CHP1: variants seen among roughly 807,000 people sequenced by gnomAD.
CHP1 encodes the protein calcineurin B homologous protein 1.
In CHP1, 11 loss-of-function variants were observed where a neutral mutation model predicts 27.4. The ratio of observed to expected loss-of-function variants is 0.40; its 90% CI spans 0.25 to 0.67. CHP1 has a LOEUF of 0.67. CHP1 is among the 30% of genes least tolerant of loss of function. The pLI, the probability that CHP1 is intolerant of heterozygous loss-of-function variation, is 0.38. For synonymous variants in CHP1, 89 were observed against 87.4 expected, an observed-to-expected ratio of 1.02 and a Z score of -0.10; for missense variants, 169 against 251.3, an observed-to-expected ratio of 0.67 and a Z score of 2.22.
At chr15:41,263,252 C>T (rs900729314) in intron 4 of CHP1, among the ~76,000 whole-genome samples, 20 of 152,278 alleles carry the variant, frequency 1.3e-4, no homozygotes, top group South Asian at 2.1e-4. Context: ...GAGCACCTAC[C>T]GTGTGCCAGG....
chr15:41,261,099 C>G (rs1416408743), intron 3 of CHP1, among the ~76,000 whole-genome samples: 1 of 150,150 alleles, frequency 6.7e-6, no homozygotes, highest in African/African-American at 2.4e-5. Flanking sequence ...TCCTTTCCTC[C>G]CTCCCTTCCT....
At position 41,279,617 on chromosome 15, in the gene CHP1, T is replaced by C; in HGVS notation, c.*228T>C. The stretch of plus-strand genomic sequence containing the variant: ...TTTCTGTTCAGTATCCATTCACTAG[T>C]TCTTCATTTATAAATATCATCTTCC... On this transcript the variant is annotated 3_prime_UTR_variant, in exon 7 of 7. Transcript: ENST00000334660. 2.1e-6 allele frequency: 1 copy of C among 468,524 alleles called. No individual in the cohort carries two copies. Among genetic ancestry groups the C allele is most frequent in the Non-Finnish European group, 3.8e-6 (1 of 263,744 alleles). 29.0% of individuals were successfully genotyped at this position (468,524 alleles called of 1,614,324 possible).
chr15:41,268,422 A>G (rs1018413980), intron 4 of CHP1, among the ~76,000 whole-genome samples: 5 of 152,096 alleles, frequency 3.3e-5, no homozygotes, highest in African/African-American at 1.2e-4. Flanking sequence ...TGAGGCAGGT[A>G]GATCACAAGG....
chr15:41,238,534 C>T (rs143392037), intron 1 of CHP1, among the ~76,000 whole-genome samples: 1 of 151,914 alleles, frequency 6.6e-6, no homozygotes, highest in Non-Finnish European at 1.5e-5. Context: ...AGAAAAAATA[C>T]AGCTTCATTC....
At chr15:41,247,910 A>G (rs2047344097) in intron 2 of CHP1, among the ~76,000 whole-genome samples, 1 of 151,860 alleles carries the variant, frequency 6.6e-6, no homozygotes, top group South Asian at 2.1e-4. Flanking sequence ...CGGAGCTTTC[A>G]GTGAGCCGAG....
intron 2 of CHP1, among the ~76,000 whole-genome samples, chr15:41,253,989 TTGC>T (rs1252959429): frequency 1.3e-5 from 2 of 151,824 alleles, no homozygotes; most frequent in African/African-American, 4.8e-5. Flanking sequence ...AGATGTGGTC[TTGC>T]TCTGTTGCCC....
chr15:41,279,471 C>A lies in CHP1; in HGVS notation c.*82C>A. On this transcript the variant is annotated 3_prime_UTR_variant, in exon 7 of 7. Coordinates refer to ENST00000334660, the MANE Select transcript of CHP1 (RefSeq NM_007236.5). ...TCCTTCTACCAACTCCACCTCCACC[C>A]CCTCATTCCCCTTCTCCCAAAGTAC... 1 of 1,114,286 alleles carries A rather than the reference C, an allele frequency of 9.0e-7. No individual in the cohort carries two copies. Among genetic ancestry groups the A allele is most frequent in the Non-Finnish European group, 1.4e-6 (1 of 739,384 alleles). 69.0% of individuals were successfully genotyped at this position (1,114,286 alleles called of 1,614,324 possible).
intron 2 of CHP1, among the ~76,000 whole-genome samples, chr15:41,246,826 A>G (rs934074871): frequency 3.8e-4 from 57 of 150,108 alleles, no homozygotes; most frequent in African/African-American, 1.3e-3. Context: ...AATCACTTGA[A>G]CCTGGGAGGC....
chr15:41,263,755 C>T (rs1256417280), intron 4 of CHP1, among the ~76,000 whole-genome samples: 2 of 152,062 alleles, frequency 1.3e-5, no homozygotes, highest in African/African-American at 4.8e-5. Context: ...GGCACCTGTG[C>T]TCCCAGGTAC....
chr15:41,259,339 C>T (rs2047419393), intron 3 of CHP1, among the ~76,000 whole-genome samples: 2 of 152,130 alleles, frequency 1.3e-5, no homozygotes, highest in African/African-American at 4.8e-5. Flanking sequence ...TACAATATCA[C>T]CTGTCATTCT....
chr15:41,279,493 G>A lies in CHP1; in HGVS notation c.*104G>A. On this transcript the variant is annotated 3_prime_UTR_variant, in exon 7 of 7. Coordinates refer to ENST00000334660, the MANE Select transcript of CHP1 (RefSeq NM_007236.5). ...ACCCCCTCATTCCCCTTCTCCCAAAGTACTACTGCTGTTGCATGACAACCC... is the reference window on the plus strand; with the variant it reads ...ACCCCCTCATTCCCCTTCTCCCAAAATACTACTGCTGTTGCATGACAACCC... The A allele has an allele frequency of 1.1e-6, 1 of 939,606 alleles. No homozygotes were observed. Among genetic ancestry groups the A allele is most frequent in the South Asian group, 1.4e-5 (1 of 69,236 alleles). 58.2% of individuals were successfully genotyped at this position (939,606 alleles called of 1,614,324 possible).
intron 4 of CHP1, among the ~76,000 whole-genome samples, chr15:41,267,434 G>T (rs138999426): frequency 6.6e-6 from 1 of 152,150 alleles, no homozygotes; most frequent in African/African-American, 2.4e-5. Flanking sequence ...GGCCAAAGTA[G>T]GCAGATTGCT....
At chr15:41,254,799 G>T (rs899268615) in intron 2 of CHP1, among the ~76,000 whole-genome samples, 18 of 152,216 alleles carry the variant, frequency 1.2e-4, no homozygotes, top group Non-Finnish European at 2.4e-4. Flanking sequence ...CCTGGGTACA[G>T]TAGGAGTATT....
At position 41,281,448 on chromosome 15, in the gene CHP1, C is replaced by T. The variant is rs1431834073; in HGVS notation, c.*2059C>T. ...AGGCTATTGCTATCCTAATGTATGT[C>T]TCTATGAGTGTATTTAGCCACACAT... On this transcript the variant is annotated 3_prime_UTR_variant, in exon 7 of 7. Transcript: ENST00000334660. 1 of 152,644 alleles carries T rather than the reference C, an allele frequency of 6.6e-6. No individual in the cohort carries two copies. Among genetic ancestry groups the T allele is most frequent in the Non-Finnish European group, 1.5e-5 (1 of 68,046 alleles). The allele number at this position is 152,644 out of a possible 1,614,324, so 9.5% of individuals were successfully genotyped here. A position where few individuals can be genotyped will look rare whatever the true frequency, so the allele number is the denominator to read the frequency against.
At chr15:41,253,784 G>T (rs1456388651) in intron 2 of CHP1, among the ~76,000 whole-genome samples, 1 of 151,416 alleles carries the variant, frequency 6.6e-6, no homozygotes, top group Non-Finnish European at 1.5e-5. Flanking sequence ...CTTTCTGTTT[G>T]TTTTGTTTTT....
intron 3 of CHP1, among the ~76,000 whole-genome samples, chr15:41,258,474 C>G (rs897145743): frequency 6.6e-6 from 1 of 152,186 alleles, no homozygotes; most frequent in Non-Finnish European, 1.5e-5. Context: ...AGGATCTAGT[C>G]TGGGTCAGTT....
intron 3 of CHP1, among the ~76,000 whole-genome samples, chr15:41,261,149 C>T (rs1231029801): frequency 1.3e-5 from 2 of 148,794 alleles, no homozygotes; most frequent in African/African-American, 5.0e-5. Flanking sequence ...CTTTCCTTTC[C>T]CTTTCCTTTC....
chr15:41,234,004 A>AT (rs1243928771), intron 1 of CHP1: 13 of 152,170 alleles, frequency 8.5e-5, no homozygotes, highest in African/African-American at 3.1e-4. Context: ...GCCGGACTGC[A>AT]GTGGCTTGAG....
At chr15:41,272,612 G>T (rs112163286) in intron 5 of CHP1, among the ~76,000 whole-genome samples, 1 of 151,372 alleles carries the variant, frequency 6.6e-6, no homozygotes, top group African/African-American at 2.4e-5. Flanking sequence ...GTAGAGATGG[G>T]GTTTCGCCAT....
Sources: allele counts gnomAD v4.1 joint callset (sites outside exome capture counted in the v4.1 genomes callset), GRCh38; gene constraint gnomAD v4.1.1; transcripts MANE v1.5; gene names NCBI Gene and HGNC (gene_info 2026-07-23, HGNC 2026-07-21).